The following PTPRG variants were observed in gnomAD, a reference collection of about 807,000 sequenced individuals.
The protein encoded by PTPRG is protein tyrosine phosphatase receptor type G, also known as receptor-type tyrosine-protein phosphatase gamma.
A neutral mutation model predicts 165.3 loss-of-function variants in PTPRG; 102 were observed. The observed-to-expected ratio is 0.62, with a 90% CI of 0.53 to 0.73. PTPRG has a LOEUF of 0.73. Ranked by LOEUF, PTPRG falls within the 30% of genes least tolerant of loss-of-function variation. PTPRG has a pLI of 0.00. For missense variants in PTPRG, 1,866 were observed against 1,861.4 expected (o/e 1.00, Z -0.05); for synonymous variants, 675 against 669.5 (o/e 1.01, Z -0.13).
At chr3:61,837,481 G>T (rs185651849) in intron 2 of PTPRG, among the ~76,000 whole-genome samples, 1 of 152,342 alleles carries the variant, frequency 6.6e-6, no homozygotes, top group East Asian at 1.9e-4. Flanking sequence ...ATGTCTTGCT[G>T]AATGTTCGGC....
intron 2 of PTPRG, among the ~76,000 whole-genome samples, chr3:61,919,595 G>C (rs549732990): frequency 6.6e-6 from 1 of 152,260 alleles, no homozygotes; most frequent in South Asian, 2.1e-4. Flanking sequence ...GGGGAGTGAA[G>C]ATGGACAAAT....
Position 61,653,824 on chromosome 3 carries a change from A to T in PTPRG, c.85+91452A>T, listed in dbSNP as rs548096905. 4.0e-5 allele frequency among the ~76,000 whole-genome samples: 6 copies of T among 149,042 alleles called. No homozygotes were observed. In the East Asian group the frequency reaches 1.2e-3, roughly 30 times the overall value. ...ATTCACCTTGGCCCACACTGTTCCC[A>T]GTTATCTAGTGAAATCAGCATGAAT... On this transcript the variant is annotated intron_variant, in intron 1 of 29. Transcript: ENST00000474889.
Position 62,114,371 on chromosome 3 carries a change from A to G in PTPRG, c.616-18231A>G, listed in dbSNP as rs187708551. The stretch of plus-strand genomic sequence containing the variant: ...CAAGTATACTCAGTTTTAATTTTGA[A>G]AGGCTGTTGTTCATGTAATTCTCTT... On this transcript the variant is annotated intron_variant, in intron 5 of 29. Coordinates refer to ENST00000474889, the MANE Select transcript of PTPRG (RefSeq NM_002841.4). 3.7e-4 allele frequency among the ~76,000 whole-genome samples: 56 copies of G among 152,304 alleles called. No individual in the cohort carries two copies. The East Asian group carries it at 0.011, about 29-fold the overall frequency.
intron 2 of PTPRG, among the ~76,000 whole-genome samples, chr3:61,921,621 A>G (rs2039079705): frequency 6.6e-6 from 1 of 152,192 alleles, no homozygotes; most frequent in South Asian, 2.1e-4. Flanking sequence ...CCTTCAGACT[A>G]TATGCATATA....
chr3:61,846,455 C>T (rs2036807864), intron 2 of PTPRG, among the ~76,000 whole-genome samples: 3 of 152,156 alleles, frequency 2.0e-5, no homozygotes, highest in Admixed American at 2.0e-4. Flanking sequence ...CATCTGGATT[C>T]CCTTCCTGAC....
intron 1 of PTPRG, among the ~76,000 whole-genome samples, chr3:61,699,509 C>T (rs2030829072): frequency 6.6e-6 from 1 of 152,178 alleles, no homozygotes; most frequent in Non-Finnish European, 1.5e-5. Context: ...TTAAGTATTA[C>T]CTTGTAAATG....
intron 2 of PTPRG, among the ~76,000 whole-genome samples, chr3:61,764,707 A>T (rs571511195): frequency 2.0e-5 from 3 of 152,170 alleles, no homozygotes; most frequent in South Asian, 2.1e-4. Context: ...GTTCAATGTT[A>T]TACCTTAAAC....
chr3:62,170,956 C>G (rs1399800026), intron 8 of PTPRG, among the ~76,000 whole-genome samples: 1 of 152,118 alleles, frequency 6.6e-6, no homozygotes, highest in African/African-American at 2.4e-5. Flanking sequence ...ACTCTGTGTT[C>G]CCAAGGGTAA....
At chr3:61,647,613 A>AC (rs1270465532) in intron 1 of PTPRG, among the ~76,000 whole-genome samples, 1 of 151,982 alleles carries the variant, frequency 6.6e-6, no homozygotes, top group Non-Finnish European at 1.5e-5. Flanking sequence ...ACACAGTGAA[A>AC]CCCCGTCTCC....
At chr3:61,900,613 A>C (rs1222552371) in intron 2 of PTPRG, among the ~76,000 whole-genome samples, 1 of 152,202 alleles carries the variant, frequency 6.6e-6, no homozygotes, top group East Asian at 1.9e-4. Flanking sequence ...TCTAAGGCTA[A>C]GTAAGACAAC....
At chr3:61,945,011 G>A (rs910992280) in intron 2 of PTPRG, among the ~76,000 whole-genome samples, 1 of 152,192 alleles carries the variant, frequency 6.6e-6, no homozygotes, top group Non-Finnish European at 1.5e-5. Context: ...CGTGTGTCAT[G>A]AAGGTCTCTG....
chr3:61,607,487 C>T (rs1179418257), intron 1 of PTPRG, among the ~76,000 whole-genome samples: 2 of 152,224 alleles, frequency 1.3e-5, no homozygotes, highest in Non-Finnish European at 2.9e-5. Flanking sequence ...AGCCACATCG[C>T]TACCGCTCTC....
At chr3:61,749,237 A>G (rs752852661) in intron 2 of PTPRG, 17 of 552,986 alleles carry the variant, frequency 3.1e-5, no homozygotes, top group South Asian at 6.8e-5. Context: ...TTAATGAGTT[A>G]TTGTACCAAA....
intron 15 of PTPRG, among the ~76,000 whole-genome samples, chr3:62,248,966 C>A (rs748053440): frequency 6.6e-6 from 1 of 152,096 alleles, no homozygotes; most frequent in Non-Finnish European, 1.5e-5. Flanking sequence ...TGGGATTAAA[C>A]CAACCTTGTT....
chr3:62,187,187 C>G (rs965162430), intron 8 of PTPRG, among the ~76,000 whole-genome samples: 3 of 152,224 alleles, frequency 2.0e-5, no homozygotes, highest in African/African-American at 7.2e-5. Flanking sequence ...TCAATGAAGT[C>G]AATAATACAA....
Position 61,654,782 on chromosome 3 carries a change from C to CTTT in PTPRG, c.85+92425_85+92427dup, listed in dbSNP as rs5849443. Among the ~76,000 whole-genome samples, 581 of 129,404 alleles carry CTTT rather than the reference C, an allele frequency of 4.5e-3. 14 individuals carry two copies. Among genetic ancestry groups the CTTT allele is most frequent in the African/African-American group, 0.016 (534 of 34,164 alleles). 84.9% of individuals were successfully genotyped at this position (129,404 alleles called of 152,430 possible). On this transcript the variant is annotated intron_variant, in intron 1 of 29. Transcript: ENST00000474889. ...CAAAGGAAGGCTACCTGTGCTTTTT[C>CTTT]TTTTTTTTTTTTTTTTTGAGACAAA... is the stretch of plus-strand genomic sequence containing the variant.
At position 62,162,080 on chromosome 3, in the gene PTPRG, T is replaced by A. The variant is rs567336964; in HGVS notation, c.840+4856T>A. ...TATATTACTTTTGGTATTCTCTCAT[T>A]TCTCCCTTTCATCCACAGTGGTGTC... On this transcript the variant is annotated intron_variant, in intron 7 of 29. Transcript: ENST00000474889. 3.3e-5 allele frequency among the ~76,000 whole-genome samples: 5 copies of A among 152,126 alleles called. No homozygotes were observed. In the South Asian group the frequency reaches 8.3e-4, roughly 25 times the overall value.
rs1433524067 is a variant in PTPRG, at chr3:62,228,954, G to C, written c.2289-2271G>C. Among the ~76,000 whole-genome samples the C allele has an allele frequency of 6.6e-6, 1 of 152,136 alleles. No homozygotes were observed. Among genetic ancestry groups the C allele is most frequent in the East Asian group, 1.9e-4 (1 of 5,184 alleles). Reference sequence around the variant, plus strand: ...CATTTTTTTCTTTTAAAACTGGTGAGTGTGCCATTCTTTTCTTTTTGGAAC... The same window carrying C: ...CATTTTTTTCTTTTAAAACTGGTGACTGTGCCATTCTTTTCTTTTTGGAAC... On this transcript the variant is annotated intron_variant, in intron 13 of 29. Coordinates refer to ENST00000474889, the MANE Select transcript of PTPRG (RefSeq NM_002841.4). The surrounding 1 kb of genome is among the most constrained non-coding windows in gnomAD (Gnocchi z 4.1).
chr3:61,785,075 T>TA (rs1433380726), intron 2 of PTPRG, among the ~76,000 whole-genome samples: 14 of 152,178 alleles, frequency 9.2e-5, no homozygotes, highest in Non-Finnish European at 1.8e-4. Flanking sequence ...AGAGGCTAAT[T>TA]ACATGCAGAA....
Sources: allele counts gnomAD v4.1 joint callset (sites outside exome capture counted in the v4.1 genomes callset), GRCh38; gene constraint gnomAD v4.1.1; non-coding constraint Gnocchi (gnomAD v3.1); transcripts MANE v1.5; gene names NCBI Gene and HGNC (gene_info 2026-07-23, HGNC 2026-07-21).